The following SPMIP7 variants were observed in gnomAD, a reference collection of about 807,000 sequenced individuals.
SPMIP7 encodes the protein protein SPMIP7.
the SPMIP7 span, among the ~76,000 whole-genome samples, chr7:50,107,533 G>C: frequency 1.3e-5 from 2 of 151,808 alleles, no homozygotes; most frequent in Non-Finnish European, 2.9e-5. Context: ...TTGGAGAACT[G>C]GTAGATAAAT....
chr7:50,140,288 T>C, the SPMIP7 span: 3 of 575,170 alleles, frequency 5.2e-6, no homozygotes, highest in Non-Finnish European at 8.7e-6. Flanking sequence ...AACTTATATA[T>C]TGTAACACAT....
the SPMIP7 span, among the ~76,000 whole-genome samples, chr7:50,137,840 C>T: frequency 6.6e-6 from 1 of 152,108 alleles, no homozygotes; most frequent in South Asian, 2.1e-4. Flanking sequence ...GTCCCTTTTG[C>T]TGTTGGGTTT....
At chr7:50,150,183 G>C in the SPMIP7 span, among the ~76,000 whole-genome samples, 1 of 152,174 alleles carries the variant, frequency 6.6e-6, no homozygotes, top group Non-Finnish European at 1.5e-5. Flanking sequence ...GAAGGTCATG[G>C]ATATAACCAA....
chr7:50,110,882 T>C, the SPMIP7 span, among the ~76,000 whole-genome samples: 1 of 135,650 alleles, frequency 7.4e-6, no homozygotes, highest in Non-Finnish European at 1.5e-5. Context: ...TATTACTATA[T>C]ATTATTACAT....
At chr7:50,150,062 C>A in the SPMIP7 span, among the ~76,000 whole-genome samples, 2 of 152,148 alleles carry the variant, frequency 1.3e-5, no homozygotes, top group African/African-American at 4.8e-5. Context: ...TTCTGCCTGC[C>A]TTGTCACCTG....
the SPMIP7 span, among the ~76,000 whole-genome samples, chr7:50,109,745 T>A: frequency 6.6e-6 from 1 of 152,194 alleles, no homozygotes; most frequent in African/African-American, 2.4e-5. Flanking sequence ...ATATTTTTAT[T>A]ATATCTACCT....
the SPMIP7 span, chr7:50,104,219 A>T: frequency 8.5e-6 from 4 of 468,950 alleles, no homozygotes; most frequent in Non-Finnish European, 1.2e-5. Flanking sequence ...AATTACGATC[A>T]CACAGTCTAG....
At chr7:50,152,651 C>T in the SPMIP7 span, among the ~76,000 whole-genome samples, 3 of 147,850 alleles carry the variant, frequency 2.0e-5, no homozygotes, top group African/African-American at 7.4e-5. Flanking sequence ...AGGATTCATT[C>T]GTTTATCACA....
the SPMIP7 span, among the ~76,000 whole-genome samples, chr7:50,119,872 A>G: frequency 1.3e-5 from 2 of 152,214 alleles, no homozygotes; most frequent in African/African-American, 4.8e-5. Context: ...GTTCCACTGA[A>G]TACTGTTATG....
At chr7:50,147,697 C>T in the SPMIP7 span, among the ~76,000 whole-genome samples, 384 of 152,238 alleles carry the variant, frequency 2.5e-3, 2 homozygotes, top group African/African-American at 8.9e-3. Context: ...AGTTACTAAA[C>T]TTCTTGATTT....
At chr7:50,120,315 G>A in the SPMIP7 span, 3 of 152,076 alleles carry the variant, frequency 2.0e-5, no homozygotes, top group Non-Finnish European at 4.4e-5. Context: ...GGAACTTGAA[G>A]GTAATCCATA....
chr7:50,157,894 C>CTT, the SPMIP7 span, among the ~76,000 whole-genome samples: 4 of 121,704 alleles, frequency 3.3e-5, no homozygotes, highest in South Asian at 5.1e-4. Flanking sequence ...ATTTTCAAAG[C>CTT]TTTTTTAAAA....
chr7:50,109,448 T>C, the SPMIP7 span, among the ~76,000 whole-genome samples: 1 of 152,150 alleles, frequency 6.6e-6, no homozygotes, highest in African/African-American at 2.4e-5. Context: ...TGATCTTAGC[T>C]CACTGCAACC....
chr7:50,108,779 A>C, the SPMIP7 span, among the ~76,000 whole-genome samples: 145,415 of 152,150 alleles, frequency 0.96, 69,540 homozygotes, highest in African/African-American at 0.97. Flanking sequence ...AAACATGTAC[A>C]TAATTAATTA....
chr7:50,099,400 G>T, the SPMIP7 span, among the ~76,000 whole-genome samples: 2 of 152,116 alleles, frequency 1.3e-5, no homozygotes, highest in African/African-American at 4.8e-5. Context: ...ATTTTATTAG[G>T]ATTGGTTTCT....
chr7:50,159,242 T>C, the SPMIP7 span: 15 of 1,495,018 alleles, frequency 1.0e-5, no homozygotes, highest in Non-Finnish European at 1.4e-5. Flanking sequence ...AAATAAAGGC[T>C]GCTTCTCCGC....
chr7:50,136,108 A>G, the SPMIP7 span: 2 of 1,550,614 alleles, frequency 1.3e-6, no homozygotes, highest in Non-Finnish European at 1.7e-6. Flanking sequence ...ATGGTTGGTG[A>G]GCTCTGGGAC....
At chr7:50,130,446 G>T in the SPMIP7 span, among the ~76,000 whole-genome samples, 1 of 151,994 alleles carries the variant, frequency 6.6e-6, no homozygotes, top group African/African-American at 2.4e-5. Context: ...GAACGGTATG[G>T]GGGAAACTGC....
At chr7:50,115,622 T>A in the SPMIP7 span, among the ~76,000 whole-genome samples, 1 of 152,156 alleles carries the variant, frequency 6.6e-6, no homozygotes, top group African/African-American at 2.4e-5. Context: ...TGGTAAAAAA[T>A]AAAAACATAT....
Sources: gnomAD v4.1 joint callset for allele counts (sites outside exome capture counted in the v4.1 genomes callset) on GRCh38, gnomAD v4.1.1 for gene constraint, MANE v1.5 for transcripts, NCBI Gene and HGNC (gene_info 2026-07-23, HGNC 2026-07-21) for gene names.